The following CEP290 variants were observed in gnomAD, a reference collection of about 807,000 sequenced individuals.
CEP290 encodes centrosomal protein of 290 kDa.
Under a neutral mutation model 344.9 loss-of-function variants are expected in CEP290, and 317 were observed. The ratio of observed to expected loss-of-function variants is 0.92; its 90% CI spans 0.84 to 1.01. The LOEUF is 1.01. CEP290 is among the 50% of genes least tolerant of loss of function. CEP290 has a pLI of 0.00. For missense variants in CEP290, 2,754 were observed against 2,761.4 expected (o/e 1.00, Z 0.06); for synonymous variants, 932 against 895.8 (o/e 1.04, Z -0.72).
intron 26 of CEP290, among the ~76,000 whole-genome samples, chr12:88,099,680 G>A (rs932736793): frequency 2.0e-5 from 3 of 151,940 alleles, no homozygotes; most frequent in South Asian, 2.1e-4. Context: ...AAATAAGCAC[G>A]ATAAGGTAAT....
At chr12:88,062,871 C>CA in intron 45 of CEP290, 93 bp from the exon 46 acceptor site, 2 of 765,366 alleles carry the variant, frequency 2.6e-6, no homozygotes, top group Non-Finnish European at 4.3e-6. Flanking sequence ...TCAATCTCTT[C>CA]AACTGTATTG....
At chr12:88,099,401 T>C (rs2037702638) in intron 26 of CEP290, among the ~76,000 whole-genome samples, 1 of 152,194 alleles carries the variant, frequency 6.6e-6, no homozygotes, top group Admixed American at 6.5e-5. Context: ...TACAACAGAA[T>C]AGAGCTGTGA....
chr12:88,102,725 A>T (rs2037987101), intron 26 of CEP290, 113 bp downstream of exon 26: 1 of 775,824 alleles, frequency 1.3e-6, no homozygotes, highest in African/African-American at 1.8e-5. Context: ...ATCTCTGTTA[A>T]ATTTATATAA....
intron 26 of CEP290, among the ~76,000 whole-genome samples, chr12:88,102,583 G>A (rs1313745113): frequency 1.3e-5 from 2 of 152,050 alleles, no homozygotes; most frequent in Non-Finnish European, 2.9e-5. Context: ...AGTGACCTAA[G>A]GAGAATGATC....
intron 22 of CEP290, among the ~76,000 whole-genome samples, chr12:88,110,906 G>A (rs764294158): frequency 2.0e-5 from 3 of 152,044 alleles, no homozygotes; most frequent in Admixed American, 6.6e-5. Flanking sequence ...ACAGGTGTGC[G>A]AACAAGATGT....
chr12:88,054,277 T>TA lies in CEP290; in HGVS notation c.7034+62dup, dbSNP rs201101574. ...TCTAGTTGTAGCAATTCGGAGTATA[T>TA]AAAAACTAATAATTTTTTTTTTAAA... On this transcript the variant is annotated intron_variant, in intron 51 of 53. Coordinates refer to ENST00000552810, the MANE Select transcript of CEP290 (RefSeq NM_025114.4). The TA allele has an allele frequency of 7.0e-4, 778 of 1,104,534 alleles. 13 individuals carry two copies. In the East Asian group the frequency reaches 0.019, roughly 27 times the overall value. 68.4% of individuals were successfully genotyped at this position (1,104,534 alleles called of 1,614,324 possible). A position where few individuals can be genotyped will look rare whatever the true frequency, so the allele number is the denominator to read the frequency against.
rs563668699 is a variant in CEP290, at chr12:88,051,123, GA to G, written c.7130-691del. ...TAATAAGTCATATTTTACAGCCATT[GA>G]AAAATAATAAAATACTAAAAGTTTG... On this transcript the variant is annotated intron_variant, in intron 52 of 53. Coordinates refer to ENST00000552810, the MANE Select transcript of CEP290 (RefSeq NM_025114.4). 9.3e-5 allele frequency among the ~76,000 whole-genome samples: 14 copies of G among 150,768 alleles called. No individual in the cohort carries two copies. The South Asian group carries it at 3.0e-3, about 32-fold the overall frequency.
chr12:88,120,089 C>T (rs1219419133), intron 15 of CEP290, 25 bp downstream of exon 15: 3 of 1,427,390 alleles, frequency 2.1e-6, no homozygotes, highest in Non-Finnish European at 2.8e-6. Flanking sequence ...GTTGCGCAAA[C>T]TATGTAACTT....
rs531400440 is a variant in CEP290, at chr12:88,139,033, A to G, written c.297+112T>C. On this transcript the variant is annotated intron_variant, in intron 5 of 53. Coordinates refer to ENST00000552810, the MANE Select transcript of CEP290 (RefSeq NM_025114.4). ...ACATATACAGAATAAACAAATAACC[A>G]TGATTACAATCATCCTTATAATTTT... 61 of 624,562 alleles carry G rather than the reference A, an allele frequency of 9.8e-5. 1 individual carries two copies. The South Asian group carries it at 1.0e-3, about 11-fold the overall frequency. The allele number at this position is 624,562 out of a possible 1,614,324, so 38.7% of individuals were successfully genotyped here. A position where few individuals can be genotyped will look rare whatever the true frequency, so the allele number is the denominator to read the frequency against.
At chr12:88,100,302 C>G (rs1326391729) in intron 26 of CEP290, among the ~76,000 whole-genome samples, 1 of 151,868 alleles carries the variant, frequency 6.6e-6, no homozygotes, top group Non-Finnish European at 1.5e-5. Flanking sequence ...GAATCCTCTT[C>G]TTGATTCTAC....
rs1592600061 is a variant in CEP290 at position 88,109,635 on chromosome 12, T to C, written c.2368-454A>G. Among the ~76,000 whole-genome samples the C allele has an allele frequency of 2.6e-5, 4 of 152,322 alleles. No homozygotes were observed. In the South Asian group the frequency reaches 8.3e-4, roughly 32 times the overall value. Reference sequence around the variant, plus strand: ...CCAAGTACATATGCTAGGCTTGTTGTCAGGTGCTTTCCATATACATGGATC... The same window carrying C: ...CCAAGTACATATGCTAGGCTTGTTGCCAGGTGCTTTCCATATACATGGATC... On this transcript the variant is annotated intron_variant, in intron 22 of 53. Transcript: ENST00000552810.
At chr12:88,110,001 G>A (rs910017243) in intron 22 of CEP290, among the ~76,000 whole-genome samples, 8 of 151,708 alleles carry the variant, frequency 5.3e-5, no homozygotes, top group African/African-American at 1.9e-4. Flanking sequence ...AGTAGTTAAG[G>A]CTGTCCTTAG....
intron 51 of CEP290, 136 bp from the exon 52 acceptor site, chr12:88,053,882 T>G (rs2033777245): frequency 2.0e-6 from 1 of 511,840 alleles, no homozygotes; most frequent in Non-Finnish European, 3.4e-6. Flanking sequence ...TTACTCTCAA[T>G]GCTACAATGT....
Position 88,071,846 on chromosome 12 carries a change from T to G in CEP290, c.5790A>C (p.Lys1930Asn). The change falls in exon 42 of 54, where the codon AAA (lysine) becomes AAC (asparagine). Residue 1930 changes from lysine (K) to asparagine (N), a missense_variant. Transcript: ENST00000552810. ...AKIEGIRNKL[K>N]EKEGEVFTLT... Reference sequence around the variant, plus strand: ...AAGTAAAGACTTCCCCCTCTTTCTCTTTTAACTTGTTTCGAATTCCTTCTA... The same window carrying G: ...AAGTAAAGACTTCCCCCTCTTTCTCGTTTAACTTGTTTCGAATTCCTTCTA... 1 of 1,605,508 alleles carries G rather than the reference T, an allele frequency of 6.2e-7. No homozygotes were observed. Among genetic ancestry groups the G allele is most frequent in the Admixed American group, 1.7e-5 (1 of 58,416 alleles).
chr12:88,067,140 C>T (rs1439590911), intron 44 of CEP290, among the ~76,000 whole-genome samples: 2 of 150,720 alleles, frequency 1.3e-5, no homozygotes, highest in African/African-American at 4.9e-5. Context: ...GTTTGTAAGG[C>T]AAAACAATCA....
chr12:88,120,910 A>G, intron 14 of CEP290, 87 bp downstream of exon 14: 1 of 1,056,178 alleles, frequency 9.5e-7, no homozygotes, highest in South Asian at 1.6e-5. Flanking sequence ...AATGTTTTTT[A>G]AATGGTATGC....
At chr12:88,054,444 G>A in intron 50 of CEP290, 31 bp from the exon 51 acceptor site, 11 of 1,439,412 alleles carry the variant, frequency 7.6e-6, no homozygotes, top group Non-Finnish European at 1.1e-5. Flanking sequence ...TAGAAGATAA[G>A]GTTTGCCATG....
chr12:88,115,569 T>C (rs1418120611), intron 18 of CEP290: 2 of 1,287,836 alleles, frequency 1.6e-6, no homozygotes, highest in Non-Finnish European at 2.0e-6. Context: ...TATGATTTCA[T>C]TCTAAAGAAA....
chr12:88,122,207 CTTCCATCCACATATCTATTCTCCT>C (rs2039447102), intron 13 of CEP290, among the ~76,000 whole-genome samples: 1 of 152,088 alleles, frequency 6.6e-6, no homozygotes, highest in Admixed American at 6.6e-5. Flanking sequence ...TCTATTCTCC[CTTCCATCCACATATCTATTCTCCT>C]ATCATTCTTC....
Sources: gnomAD v4.1 joint callset for allele counts (sites outside exome capture counted in the v4.1 genomes callset) on GRCh38, gnomAD v4.1.1 for gene constraint, MANE v1.5 for transcripts, NCBI Gene and HGNC (gene_info 2026-07-23, HGNC 2026-07-21) for gene names.